The following ADAM32 variants were observed in gnomAD, a reference collection of about 807,000 sequenced individuals.
The protein encoded by ADAM32 is ADAM metallopeptidase domain 32, also known as disintegrin and metalloproteinase domain-containing protein 32.
Under a neutral mutation model 114.9 loss-of-function variants are expected in ADAM32, and 89 were observed. The ratio of observed to expected loss-of-function variants is 0.77; its 90% CI spans 0.65 to 0.92. ADAM32 has a LOEUF of 0.92. Among genes scored for constraint, ADAM32 ranks in the 40% least tolerant of loss-of-function variants. The pLI is 0.00. For missense variants in ADAM32, 870 were observed against 932.8 expected (o/e 0.93, Z 0.88); for synonymous variants, 285 against 307.5 (o/e 0.93, Z 0.77).
At chr8:39,229,196 G>A (rs527737587) in intron 14 of ADAM32, among the ~76,000 whole-genome samples, 19 of 152,276 alleles carry the variant, frequency 1.2e-4, no homozygotes, top group African/African-American at 4.3e-4. Flanking sequence ...AAATCTTGAA[G>A]CAGATCCTGG....
intron 11 of ADAM32, among the ~76,000 whole-genome samples, chr8:39,196,858 A>C (rs1807043989): frequency 6.6e-6 from 1 of 151,910 alleles, no homozygotes; most frequent in Admixed American, 6.6e-5. Flanking sequence ...CTCCCTCAAG[A>C]CTGAGTTAGT....
At chr8:39,145,996 T>G (rs1803485003) in intron 3 of ADAM32, among the ~76,000 whole-genome samples, 4 of 152,022 alleles carry the variant, frequency 2.6e-5, no homozygotes, top group African/African-American at 9.7e-5. Flanking sequence ...CCTCCCTAAG[T>G]TTTGGGATTA....
chr8:39,157,176 C>T (rs895681325), intron 6 of ADAM32, among the ~76,000 whole-genome samples: 6 of 152,136 alleles, frequency 3.9e-5, no homozygotes, highest in African/African-American at 1.4e-4. Context: ...GAAGATCTCT[C>T]ATTTGTGAGG....
intron 16 of ADAM32, among the ~76,000 whole-genome samples, chr8:39,237,094 A>G (rs558532325): frequency 1.3e-5 from 2 of 152,216 alleles, no homozygotes; most frequent in Non-Finnish European, 2.9e-5. Context: ...AGAACCTGAA[A>G]ATCCAGATCA....
At chr8:39,141,612 A>C (rs1325739317) in intron 3 of ADAM32, among the ~76,000 whole-genome samples, 1 of 152,136 alleles carries the variant, frequency 6.6e-6, no homozygotes, top group Non-Finnish European at 1.5e-5. Flanking sequence ...ACTACCAATG[A>C]TGTGTTCAAT....
chr8:39,159,927 A>C (rs983530592), intron 6 of ADAM32, among the ~76,000 whole-genome samples: 1 of 152,200 alleles, frequency 6.6e-6, no homozygotes, highest in Non-Finnish European at 1.5e-5. Context: ...CAAGGACCAC[A>C]ATACTCCCTT....
chr8:39,254,028 T>G (rs567803430), intron 17 of ADAM32, among the ~76,000 whole-genome samples: 1 of 151,610 alleles, frequency 6.6e-6, no homozygotes, highest in East Asian at 1.9e-4. Context: ...TGTCATAAAA[T>G]AGAGACATAT....
At chr8:39,224,519 C>T (rs1205522156) in intron 14 of ADAM32, among the ~76,000 whole-genome samples, 1 of 151,864 alleles carries the variant, frequency 6.6e-6, no homozygotes, top group African/African-American at 2.4e-5. Context: ...TGATGAGCAT[C>T]TTTTCATATA....
At chr8:39,269,094 C>T (rs983374972) in intron 19 of ADAM32, among the ~76,000 whole-genome samples, 2 of 152,210 alleles carry the variant, frequency 1.3e-5, no homozygotes, top group African/African-American at 4.8e-5. Flanking sequence ...GGGTCTTCCC[C>T]CAATCTCAGG....
chr8:39,207,366 A>G (rs1807913744), intron 11 of ADAM32, among the ~76,000 whole-genome samples: 1 of 152,158 alleles, frequency 6.6e-6, no homozygotes, highest in South Asian at 2.1e-4. Context: ...TTTGATTTAT[A>G]TATACTTTTT....
At chr8:39,255,610 T>C (rs1160652682) in intron 18 of ADAM32, among the ~76,000 whole-genome samples, 1 of 152,100 alleles carries the variant, frequency 6.6e-6, no homozygotes, top group Non-Finnish European at 1.5e-5. Context: ...GGGTTCCTTA[T>C]AGATTCTGGA....
At chr8:39,165,219 C>A in intron 9 of ADAM32, 23 bp downstream of exon 9, 1 of 1,415,718 alleles carries the variant, frequency 7.1e-7, no homozygotes, top group South Asian at 1.5e-5. Flanking sequence ...TTTCATTATT[C>A]CTAGAAAGAA....
intron 19 of ADAM32, among the ~76,000 whole-genome samples, chr8:39,260,894 G>A (rs1195125984): frequency 6.6e-6 from 1 of 151,388 alleles, no homozygotes; most frequent in Non-Finnish European, 1.5e-5. Context: ...TTTCTTTGTT[G>A]GGAGATTTTT....
Position 39,165,395 on chromosome 8 carries a change from G to C in ADAM32, c.833+199G>C, listed in dbSNP as rs1448287685. 4 of 447,110 alleles carry C rather than the reference G, an allele frequency of 8.9e-6. 1 individual carries two copies. Among genetic ancestry groups the C allele is most frequent in the Non-Finnish European group, 1.5e-5 (4 of 263,236 alleles). 27.7% of individuals were successfully genotyped at this position (447,110 alleles called of 1,614,324 possible). A position where few individuals can be genotyped will look rare whatever the true frequency, so the allele number is the denominator to read the frequency against. On this transcript the variant is annotated intron_variant, in intron 9 of 24. Transcript: ENST00000379907. ...TAACATTTATTTCTATGCTAATAAA[G>C]CTTTTATAAATGAAGACATTGAGAG...
At chr8:39,147,062 A>T (rs145543442) in intron 3 of ADAM32, 68 bp from the exon 4 acceptor site, 1 of 636,876 alleles carries the variant, frequency 1.6e-6, no homozygotes, top group East Asian at 6.0e-5. Flanking sequence ...TGAGAGTGTT[A>T]AGTTTACTAT....
chr8:39,118,281 A>G (rs542940128), intron 2 of ADAM32, 116 bp downstream of exon 2: 171 of 539,318 alleles, frequency 3.2e-4, no homozygotes, highest in Non-Finnish European at 1.5e-5. Context: ...TTGTATTTCT[A>G]CTGATAGGAA....
intron 19 of ADAM32, among the ~76,000 whole-genome samples, chr8:39,262,003 T>C (rs1317416734): frequency 6.6e-6 from 1 of 152,196 alleles, no homozygotes; most frequent in South Asian, 2.1e-4. Context: ...CTTTTCACTA[T>C]GCTGATTGTT....
rs1805084993 is a variant in ADAM32 at position 39,169,921 on chromosome 8, T to A, written c.839T>A (p.Met280Lys). ...PHDIAYLLIY[M>K]DYPRYLGAVF... ...ATGTAAATTTATTTATTTAGTTATATGGATTATCCTCGTTATTTGGGAGCA... is the reference window on the plus strand; with the variant it reads ...ATGTAAATTTATTTATTTAGTTATAAGGATTATCCTCGTTATTTGGGAGCA... The change falls in exon 10 of 25, where the codon ATG becomes AAG. Residue 280 changes from methionine (M) to lysine (K), a missense_variant. By Grantham distance (95) the Met-to-Lys change is moderately conservative. Coordinates refer to ENST00000379907, the MANE Select transcript of ADAM32 (RefSeq NM_145004.7). 1.3e-6 allele frequency: 2 copies of A among 1,577,724 alleles called. No homozygotes were observed. The highest frequency in any genetic ancestry group is 1.7e-6 in the Non-Finnish European group (2 of 1,154,660).
intron 20 of ADAM32, among the ~76,000 whole-genome samples, chr8:39,272,536 G>A (rs1436330737): frequency 6.6e-6 from 1 of 152,118 alleles, no homozygotes; most frequent in Non-Finnish European, 1.5e-5. Flanking sequence ...GTAAGCAACT[G>A]TAACTGATTA....
Sources: allele counts gnomAD v4.1 joint callset (sites outside exome capture counted in the v4.1 genomes callset), GRCh38; gene constraint gnomAD v4.1.1; transcripts MANE v1.5; gene names NCBI Gene and HGNC (gene_info 2026-07-23, HGNC 2026-07-21).